Variants in OXSR1 observed in about 807,000 individuals in gnomAD.
OXSR1 encodes the protein oxidative stress responsive kinase 1.
In OXSR1, 24 loss-of-function variants were observed where a neutral mutation model predicts 79.8. That is an observed-to-expected ratio of 0.30 (90% CI 0.22 to 0.42). The LOEUF is 0.42. OXSR1 is among the 10% of genes least tolerant of loss of function. The probability of loss-of-function intolerance (pLI) is 1.00; values close to 1 mark genes in which losing one functional copy is unlikely to be tolerated. For synonymous variants in OXSR1, 226 were observed against 209.2 expected, an observed-to-expected ratio of 1.08 and a Z score of -0.69; for missense variants, 430 against 618.4, an observed-to-expected ratio of 0.70 and a Z score of 3.23.
intron 4 of OXSR1, among the ~76,000 whole-genome samples, chr3:38,210,585 T>C (rs1047685299): frequency 2.0e-5 from 3 of 151,672 alleles, no homozygotes; most frequent in Admixed American, 2.0e-4. Flanking sequence ...CTGCTTGGGG[T>C]TTTTAACTCT....
chr3:38,169,639 A>G (rs1430842408), intron 1 of OXSR1, among the ~76,000 whole-genome samples: 1 of 147,810 alleles, frequency 6.8e-6, no homozygotes, highest in Non-Finnish European at 1.5e-5. Context: ...AAGTGTGTGT[A>G]TGTGTGTTTG....
At chr3:38,193,035 A>G (rs73827638) in intron 3 of OXSR1, among the ~76,000 whole-genome samples, 107 of 152,320 alleles carry the variant, frequency 7.0e-4, no homozygotes, top group African/African-American at 2.5e-3. Flanking sequence ...CTACTTAGCA[A>G]TTGTATGTCA....
intron 17 of OXSR1, 56 bp from the exon 18 acceptor site, chr3:38,252,761 C>G: frequency 7.1e-7 from 1 of 1,401,230 alleles, no homozygotes; most frequent in Non-Finnish European, 1.0e-6. Flanking sequence ...GTTTTATTTG[C>G]TACCTGCAAG....
chr3:38,203,474 G>A (rs1186835974), intron 4 of OXSR1, among the ~76,000 whole-genome samples: 1 of 151,972 alleles, frequency 6.6e-6, no homozygotes, highest in Non-Finnish European at 1.5e-5. Flanking sequence ...GAGAACACCC[G>A]CTAAGCCCCA....
chr3:38,177,656 C>T (rs560876017), intron 1 of OXSR1, among the ~76,000 whole-genome samples: 7 of 152,004 alleles, frequency 4.6e-5, no homozygotes, highest in Non-Finnish European at 1.0e-4. Flanking sequence ...GTGAACATGG[C>T]TCACTGCAGC....
At chr3:38,201,829 A>C (rs1446586361) in intron 4 of OXSR1, among the ~76,000 whole-genome samples, 1 of 151,898 alleles carries the variant, frequency 6.6e-6, no homozygotes, top group Non-Finnish European at 1.5e-5. Flanking sequence ...ATGCCATTAC[A>C]CTCCAGCCTG....
In OXSR1 at chr3:38,216,251, A is replaced by G. The variant is rs1174033006; in HGVS notation, c.490+100A>G. The G allele has an allele frequency of 6.7e-6, 5 of 748,930 alleles. No individual in the cohort carries two copies. The African/African-American group carries it at 9.0e-5, about 13-fold the overall frequency. The allele number at this position is 748,930 out of a possible 1,614,324, so 46.4% of individuals were successfully genotyped here. On this transcript the variant is annotated intron_variant, in intron 5 of 17. Coordinates refer to ENST00000311806, the MANE Select transcript of OXSR1 (RefSeq NM_005109.3). ...ATCAGCATTCTCTCCTGTTCCCTGG[A>G]CCATCTCTATTCAAGCATCCTCTGT...
chr3:38,212,089 G>C (rs1246059171), intron 4 of OXSR1, among the ~76,000 whole-genome samples: 1 of 151,722 alleles, frequency 6.6e-6, no homozygotes, highest in Non-Finnish European at 1.5e-5. Context: ...TAATTGGTTT[G>C]GAATGAGGCC....
At chr3:38,169,121 T>C (rs1210487561) in intron 1 of OXSR1, among the ~76,000 whole-genome samples, 1 of 152,248 alleles carries the variant, frequency 6.6e-6, no homozygotes, top group Non-Finnish European at 1.5e-5. Context: ...TCTTTTTGCG[T>C]GTAACCATCC....
Position 38,165,966 on chromosome 3 carries a change from A to C in OXSR1, c.70+20A>C. 1 of 1,598,734 alleles carries C rather than the reference A, an allele frequency of 6.3e-7. No individual in the cohort carries two copies. Among genetic ancestry groups the C allele is most frequent in the Non-Finnish European group, 8.5e-7 (1 of 1,171,300 alleles). Reference sequence around the variant, plus strand: ...TGATCGGTGAGAGCAGGCGCTGCGGAGGGGGGAGGCGCGGCGCTGGGAGGC... The same window carrying C: ...TGATCGGTGAGAGCAGGCGCTGCGGCGGGGGGAGGCGCGGCGCTGGGAGGC... On this transcript the variant is annotated intron_variant, in intron 1 of 17. Coordinates refer to ENST00000311806, the MANE Select transcript of OXSR1 (RefSeq NM_005109.3).
At chr3:38,237,992 A>G (rs1228931817) in intron 11 of OXSR1, among the ~76,000 whole-genome samples, 4 of 152,098 alleles carry the variant, frequency 2.6e-5, no homozygotes, top group African/African-American at 4.8e-5. Context: ...TGATGATGCT[A>G]TTTTTCTTCT....
intron 1 of OXSR1, among the ~76,000 whole-genome samples, chr3:38,180,267 GCAGTTC>G (rs1701757626): frequency 6.6e-6 from 1 of 152,102 alleles, no homozygotes; most frequent in African/African-American, 2.4e-5. Context: ...GTGGACTCGT[GCAGTTC>G]AAGTTCACAT....
At chr3:38,170,672 A>G (rs1701563721) in intron 1 of OXSR1, among the ~76,000 whole-genome samples, 1 of 152,218 alleles carries the variant, frequency 6.6e-6, no homozygotes, top group Non-Finnish European at 1.5e-5. Context: ...CAATACTGGC[A>G]TCTGTGTCTC....
intron 4 of OXSR1, among the ~76,000 whole-genome samples, chr3:38,201,449 G>A (rs1169350886): frequency 1.3e-5 from 2 of 151,952 alleles, no homozygotes; most frequent in African/African-American, 4.8e-5. Context: ...GGTGACTCAC[G>A]CCTGTAATCC....
intron 1 of OXSR1, among the ~76,000 whole-genome samples, chr3:38,167,391 A>G (rs1185536156): frequency 6.6e-5 from 10 of 152,250 alleles, no homozygotes; most frequent in Non-Finnish European, 1.3e-4. Context: ...GCTCAATCCA[A>G]CGGACATGAG....
chr3:38,226,128 G>A (rs1412142307), intron 8 of OXSR1, among the ~76,000 whole-genome samples: 1 of 152,012 alleles, frequency 6.6e-6, no homozygotes, highest in East Asian at 1.9e-4. Context: ...TAGTCACAGA[G>A]CTGCACTGGA....
chr3:38,184,770 G>T (rs547571555), intron 2 of OXSR1, among the ~76,000 whole-genome samples: 23 of 152,126 alleles, frequency 1.5e-4, no homozygotes, highest in African/African-American at 5.5e-4. Flanking sequence ...CTAGATGAAG[G>T]AAGTAAATCA....
rs756406448 is a variant in OXSR1 at position 38,246,194 on chromosome 3, C to T, written c.1230C>T (p.Pro410=). The T allele has an allele frequency of 3.1e-6, 5 of 1,613,684 alleles. No homozygotes were observed. The highest frequency in any genetic ancestry group is 2.2e-5 in the East Asian group (1 of 44,880). The change falls in exon 13 of 18, where the codon CCC becomes CCT. Residue 410 remains proline, a synonymous_variant. Coordinates refer to ENST00000311806, the MANE Select transcript of OXSR1 (RefSeq NM_005109.3). Reference sequence around the variant, plus strand: ...AGCCAACTCAAGTCTCTCTCCCACCCACCGCAGAGCCAGCAAAAACAGCTC... The same window carrying T: ...AGCCAACTCAAGTCTCTCTCCCACCTACCGCAGAGCCAGCAAAAACAGCTC... ...ATQPTQVSLP[P]TAEPAKTAQA...
At chr3:38,245,976 T>C in intron 12 of OXSR1, 99 bp from the exon 13 acceptor site, 4 of 1,072,276 alleles carry the variant, frequency 3.7e-6, no homozygotes, top group Non-Finnish European at 5.7e-6. Context: ...ACCCAAAAAC[T>C]ACTTTGAAAA....
Sources: gnomAD v4.1 joint callset for allele counts (sites outside exome capture counted in the v4.1 genomes callset) on GRCh38, gnomAD v4.1.1 for gene constraint, MANE v1.5 for transcripts, NCBI Gene and HGNC (gene_info 2026-07-23, HGNC 2026-07-21) for gene names.